Variants in VAV1 observed in about 807,000 individuals in gnomAD.
The protein encoded by VAV1 is vav guanine nucleotide exchange factor 1.
Under a neutral mutation model 128.1 loss-of-function variants are expected in VAV1, and 33 were observed. The observed-to-expected ratio is 0.26, with a 90% CI of 0.20 to 0.34. VAV1 has a LOEUF of 0.34. Among genes scored for constraint, VAV1 ranks in the 10% least tolerant of loss-of-function variants. The pLI is 1.00. For synonymous variants in VAV1, 394 were observed against 409.8 expected, an observed-to-expected ratio of 0.96 and a Z score of 0.47; for missense variants, 715 against 1,093.7, an observed-to-expected ratio of 0.65 and a Z score of 4.88.
intron 1 of VAV1, among the ~76,000 whole-genome samples, chr19:6,818,882 G>A (rs368272156): frequency 4.1e-4 from 63 of 152,242 alleles, no homozygotes; most frequent in African/African-American, 7.7e-4. Flanking sequence ...TTGGGAGGCC[G>A]AGGCGGGTGG....
At chr19:6,778,049 G>A (rs567395925) in intron 1 of VAV1, among the ~76,000 whole-genome samples, 95 of 152,280 alleles carry the variant, frequency 6.2e-4, no homozygotes, top group Non-Finnish European at 1.3e-3. Flanking sequence ...CGATTCTCCT[G>A]TCTCAGCCTC....
intron 1 of VAV1, among the ~76,000 whole-genome samples, chr19:6,781,326 T>C (rs1599616331): frequency 6.6e-6 from 1 of 152,230 alleles, no homozygotes; most frequent in Non-Finnish European, 1.5e-5. Context: ...TGTTTCCATA[T>C]GAATTATTTC....
chr19:6,817,227 G>GT (rs1270158056), intron 1 of VAV1, among the ~76,000 whole-genome samples: 9 of 150,532 alleles, frequency 6.0e-5, no homozygotes, highest in South Asian at 2.1e-4. Flanking sequence ...TTTTTTGTTT[G>GT]TTTTTTTGGT....
At chr19:6,845,802 CTA>C (rs1344300645) in intron 22 of VAV1, among the ~76,000 whole-genome samples, 2 of 147,510 alleles carry the variant, frequency 1.4e-5, no homozygotes, top group Non-Finnish European at 3.0e-5. Flanking sequence ...TAATATATAA[CTA>C]ATATTTATTC....
intron 21 of VAV1, among the ~76,000 whole-genome samples, chr19:6,839,700 C>G (rs867648114): frequency 1.3e-5 from 2 of 151,434 alleles, no homozygotes; most frequent in African/African-American, 4.9e-5. Flanking sequence ...ACAATGTAAC[C>G]TTTTTTTTGG....
chr19:6,786,868 T>C (rs1172066442), intron 1 of VAV1, among the ~76,000 whole-genome samples: 1 of 152,148 alleles, frequency 6.6e-6, no homozygotes, highest in African/African-American at 2.4e-5. Context: ...TTATATTTTA[T>C]TATTATTATT....
In VAV1 at chr19:6,836,840, A is replaced by G. The variant is rs10420518; in HGVS notation, c.1915-145A>G. The G allele has an allele frequency of 6.2e-3, 179 of 28,726 alleles. 6 individuals are homozygous for G. The highest frequency in any genetic ancestry group is 0.038 in the Middle Eastern group (6 of 158). 1.8% of individuals were successfully genotyped at this position (28,726 alleles called of 1,614,324 possible). On this transcript the variant is annotated intron_variant, in intron 20 of 26. Transcript: ENST00000602142. ...CCATTGAGCAGAGAGATGGACACAC[A>G]CACACACACACACACACACACACAC...
intron 1 of VAV1, among the ~76,000 whole-genome samples, chr19:6,809,133 T>C (rs1599642886): frequency 6.6e-6 from 1 of 150,398 alleles, no homozygotes; most frequent in East Asian, 2.0e-4. Flanking sequence ...CAAGCTGGGG[T>C]GCAGTGACTT....
intron 1 of VAV1, among the ~76,000 whole-genome samples, chr19:6,782,735 A>T (rs1970792090): frequency 6.6e-6 from 1 of 152,110 alleles, no homozygotes; most frequent in Non-Finnish European, 1.5e-5. Flanking sequence ...TATATATATT[A>T]GCAGAGCATG....
intron 1 of VAV1, among the ~76,000 whole-genome samples, chr19:6,812,613 T>A (rs1971537734): frequency 6.6e-6 from 1 of 152,150 alleles, no homozygotes; most frequent in Non-Finnish European, 1.5e-5. Context: ...ATCACGCCAC[T>A]GCACTCCAGC....
intron 14 of VAV1, 133 bp downstream of exon 14, chr19:6,830,051 T>G: frequency 7.2e-7 from 1 of 1,392,242 alleles, no homozygotes; most frequent in Non-Finnish European, 9.7e-7. Context: ...CAGGTGTTTT[T>G]TGTTTGTTTG....
At chr19:6,816,691 G>A (rs887942360) in intron 1 of VAV1, among the ~76,000 whole-genome samples, 1 of 152,058 alleles carries the variant, frequency 6.6e-6, no homozygotes, top group Non-Finnish European at 1.5e-5. Context: ...ACAGACGGGT[G>A]TGGTGGCTCA....
At chr19:6,773,375 T>G (rs1970545501) in intron 1 of VAV1, among the ~76,000 whole-genome samples, 1 of 152,052 alleles carries the variant, frequency 6.6e-6, no homozygotes, top group South Asian at 2.1e-4. Flanking sequence ...GGCCATTGGG[T>G]TACCTGAGGC....
Position 6,828,254 on chromosome 19 carries a change from G to A in VAV1, c.1023+83G>A. The A allele has an allele frequency of 6.4e-7, 1 of 1,562,062 alleles. No homozygotes were observed. The highest frequency in any genetic ancestry group is 8.8e-7 in the Non-Finnish European group (1 of 1,141,704). On this transcript the variant is annotated intron_variant, in intron 10 of 26. Coordinates refer to ENST00000602142, the MANE Select transcript of VAV1 (RefSeq NM_005428.4). The surrounding 1 kb of genome is among the most constrained non-coding windows in gnomAD (Gnocchi z 4.5). The stretch of plus-strand genomic sequence containing the variant: ...AGTGGGGACGGGGCTGGCTTCTGGG[G>A]GTTGGGTCTCTAGGACGCTCGGGGA...
Position 6,822,390 on chromosome 19 carries a change from C to A in VAV1, c.559-29C>A. 6.4e-7 allele frequency: 1 copy of A among 1,553,448 alleles called. No individual in the cohort carries two copies. The highest frequency in any genetic ancestry group is 2.4e-5 in the East Asian group (1 of 41,424). ...TGGGCGGGGGGCAGCCCCAGGCCCC[C>A]CAACACCGGCCTCTCCCCTCGCTCT... On this transcript the variant is annotated intron_variant, in intron 5 of 26. Transcript: ENST00000602142. The surrounding 1 kb of genome is among the most constrained non-coding windows in gnomAD (Gnocchi z 5.9).
chr19:6,838,018 T>C (rs1171327704), intron 21 of VAV1, among the ~76,000 whole-genome samples: 1 of 152,140 alleles, frequency 6.6e-6, no homozygotes, highest in African/African-American at 2.4e-5. Flanking sequence ...TCCAACCCCA[T>C]CATTCTTTCC....
chr19:6,784,353 G>A, intron 1 of VAV1: 2 of 435,028 alleles, frequency 4.6e-6, no homozygotes, highest in Non-Finnish European at 8.3e-6. Flanking sequence ...CTGGGGATGA[G>A]GGAGCTGGGT....
chr19:6,796,238 A>G (rs1971132147), intron 1 of VAV1, among the ~76,000 whole-genome samples: 1 of 152,174 alleles, frequency 6.6e-6, no homozygotes, highest in African/African-American at 2.4e-5. Flanking sequence ...CTGACTTGCT[A>G]TTGAGTGTGT....
At chr19:6,780,884 C>G (rs1229073591) in intron 1 of VAV1, among the ~76,000 whole-genome samples, 2 of 148,510 alleles carry the variant, frequency 1.3e-5, no homozygotes, top group African/African-American at 4.9e-5. Flanking sequence ...GATTTCTTAT[C>G]ATTTATACCA....
Sources: allele counts gnomAD v4.1 joint callset (sites outside exome capture counted in the v4.1 genomes callset), GRCh38; gene constraint gnomAD v4.1.1; non-coding constraint Gnocchi (gnomAD v3.1); transcripts MANE v1.5; gene names NCBI Gene and HGNC (gene_info 2026-07-23, HGNC 2026-07-21).